The following ZNF536 variants were observed in gnomAD, a reference collection of about 807,000 sequenced individuals.
The protein encoded by ZNF536 is zinc finger protein 536.
Under a neutral mutation model 84.5 loss-of-function variants are expected in ZNF536, and 13 were observed. The ratio of observed to expected loss-of-function variants is 0.15; its 90% CI spans 0.10 to 0.24. The LOEUF is 0.24. Among genes scored for constraint, ZNF536 ranks in the 10% least tolerant of loss-of-function variants. The pLI, the probability that ZNF536 is intolerant of heterozygous loss-of-function variation, is 1.00. For synonymous variants in ZNF536, 811 were observed against 742.5 expected (o/e 1.09, Z -1.50); for missense variants, 1,536 against 1,747.5 (o/e 0.88, Z 2.16).
At chr19:30,530,929 C>T (rs1002882537) in intron 2 of ZNF536, among the ~76,000 whole-genome samples, 2 of 152,208 alleles carry the variant, frequency 1.3e-5, no homozygotes, top group African/African-American at 4.8e-5. Flanking sequence ...CAGCACCCAT[C>T]CTGGCACAGG....
intron 2 of ZNF536, among the ~76,000 whole-genome samples, chr19:30,301,943 G>T (rs1235803312): frequency 6.6e-6 from 1 of 152,100 alleles, no homozygotes; most frequent in East Asian, 1.9e-4. Flanking sequence ...TGCACACTGA[G>T]GAGGGAGGTG....
rs114771412 is a variant in ZNF536, at chr19:30,339,225, C to T, written c.-119-13143C>T. ...ATTTGGAATCCGCACGGAATTGTGC[C>T]AGCCTGCCTCGGAGTCCACAGGGCC... On this transcript the variant is annotated intron_variant, in intron 2 of 5. Transcript: ENST00000585628. Among the ~76,000 whole-genome samples, 1,313 of 152,300 alleles carry T rather than the reference C, an allele frequency of 8.6e-3. 27 individuals carry two copies. Among genetic ancestry groups the T allele is most frequent in the African/African-American group, 0.03 (1,251 of 41,564 alleles).
At chr19:30,373,840 A>T (rs1025500549) in intron 1 of ZNF536, among the ~76,000 whole-genome samples, 2 of 152,242 alleles carry the variant, frequency 1.3e-5, no homozygotes, top group Non-Finnish European at 2.9e-5. Flanking sequence ...TGATCTACAC[A>T]CACGGAGGAG....
At chr19:30,245,145 C>T (rs1202401842) in intron 1 of ZNF536, among the ~76,000 whole-genome samples, 1 of 152,198 alleles carries the variant, frequency 6.6e-6, no homozygotes, top group Admixed American at 6.5e-5. Flanking sequence ...CCTGTTTCCT[C>T]TGCATGGGAC....
At chr19:30,684,105 A>G (rs1428611797) in intron 1 of ZNF536, among the ~76,000 whole-genome samples, 1 of 152,150 alleles carries the variant, frequency 6.6e-6, no homozygotes, top group African/African-American at 2.4e-5. Context: ...CAAGATCAAC[A>G]ATGACTCACA....
intron 1 of ZNF536, among the ~76,000 whole-genome samples, chr19:30,410,286 T>G (rs2050423697): frequency 6.6e-6 from 1 of 152,048 alleles, no homozygotes; most frequent in Non-Finnish European, 1.5e-5. Context: ...GGTAAAATTT[T>G]GTATTCACAC....
At chr19:30,272,839 G>A (rs2025927601) in intron 1 of ZNF536, among the ~76,000 whole-genome samples, 1 of 152,184 alleles carries the variant, frequency 6.6e-6, no homozygotes, top group Non-Finnish European at 1.5e-5. Context: ...TTGCTTCCAA[G>A]TTTGGGCAAT....
intron 1 of ZNF536, among the ~76,000 whole-genome samples, chr19:30,389,824 T>C (rs2049505276): frequency 6.6e-6 from 1 of 152,190 alleles, no homozygotes; most frequent in Admixed American, 6.5e-5. Flanking sequence ...CTCCCTATCT[T>C]CCAGAAGGGC....
chr19:30,512,582 C>T (rs758526473), intron 2 of ZNF536, among the ~76,000 whole-genome samples: 11 of 150,178 alleles, frequency 7.3e-5, no homozygotes, highest in Non-Finnish European at 1.3e-4. Flanking sequence ...TGCTGTGATA[C>T]GAGTGTGGGT....
chr19:30,493,799 C>G (rs1474506270), intron 2 of ZNF536, among the ~76,000 whole-genome samples: 1 of 152,030 alleles, frequency 6.6e-6, no homozygotes, highest in Non-Finnish European at 1.5e-5. Context: ...GAGGTTCCTG[C>G]GGGGGCCAGA....
At chr19:30,227,441 C>A (rs2022675803), upstream of ZNF536, among the ~76,000 whole-genome samples, 1 of 152,224 alleles carries the variant, frequency 6.6e-6, no homozygotes, top group Non-Finnish European at 1.5e-5. Flanking sequence ...GGGTCTCAGC[C>A]CCGCGTGCGG....
intron 1 of ZNF536, among the ~76,000 whole-genome samples, chr19:30,423,187 G>A (rs569277526): frequency 1.2e-3 from 173 of 148,304 alleles, no homozygotes; most frequent in African/African-American, 4.0e-3. Context: ...CTTCTATTTA[G>A]CCCTTCTCTT....
At chr19:30,473,647 A>G (rs894794290) in intron 2 of ZNF536, among the ~76,000 whole-genome samples, 2 of 152,170 alleles carry the variant, frequency 1.3e-5, no homozygotes, top group Middle Eastern at 3.2e-3. Flanking sequence ...GTTCACTCAT[A>G]TCCTTGGAGC....
intron 2 of ZNF536, among the ~76,000 whole-genome samples, chr19:30,296,774 G>A (rs2046009500): frequency 6.6e-6 from 1 of 152,206 alleles, no homozygotes; most frequent in Non-Finnish European, 1.5e-5. Flanking sequence ...TTGGAGGAAG[G>A]GAGGCACAGA....
At chr19:30,338,397 GATGATGACAGTA>G (rs1339428270) in intron 2 of ZNF536, among the ~76,000 whole-genome samples, 1 of 151,954 alleles carries the variant, frequency 6.6e-6, no homozygotes, top group Non-Finnish European at 1.5e-5. Context: ...TGATGGTGGT[GATGATGACAGTA>G]ATGATGATGA....
intron 1 of ZNF536, among the ~76,000 whole-genome samples, chr19:30,236,537 G>T (rs1401966964): frequency 2.0e-5 from 3 of 151,084 alleles, no homozygotes; most frequent in Non-Finnish European, 4.4e-5. Context: ...GGCGGGGGGG[G>T]GGTACAATTG....
intron 2 of ZNF536, among the ~76,000 whole-genome samples, chr19:30,470,356 T>C (rs927273641): frequency 6.6e-6 from 1 of 152,198 alleles, no homozygotes; most frequent in African/African-American, 2.4e-5. Context: ...TCACAACACA[T>C]GAAGCAATGT....
chr19:30,648,741 A>G (rs940521810), intron 1 of ZNF536, among the ~76,000 whole-genome samples: 2 of 152,240 alleles, frequency 1.3e-5, no homozygotes, highest in Non-Finnish European at 2.9e-5. Flanking sequence ...AAGGTAGTCA[A>G]TAGACACACT....
intron 1 of ZNF536, among the ~76,000 whole-genome samples, chr19:30,646,104 G>A (rs1362289587): frequency 1.9e-4 from 29 of 152,104 alleles, no homozygotes; most frequent in Non-Finnish European, 1.5e-5. Flanking sequence ...TTTTTTCAGA[G>A]AAGGTATTCA....
Sources: gnomAD v4.1 joint callset for allele counts (sites outside exome capture counted in the v4.1 genomes callset) on GRCh38, gnomAD v4.1.1 for gene constraint, MANE v1.5 for transcripts, NCBI Gene and HGNC (gene_info 2026-07-23, HGNC 2026-07-21) for gene names.